The following WDR12 variants were observed in gnomAD, a reference collection of about 807,000 sequenced individuals.
WDR12 encodes the protein ribosome biogenesis protein WDR12.
WDR12 carries 42 observed loss-of-function variants against 64.3 expected under a neutral mutation model. The observed-to-expected ratio is 0.65, with a 90% CI of 0.51 to 0.84. The LOEUF (loss-of-function observed/expected upper bound fraction) is 0.84. Among genes scored for constraint, WDR12 ranks in the 40% least tolerant of loss-of-function variants. The probability of loss-of-function intolerance (pLI) is 0.00; values close to 1 mark genes in which losing one functional copy is unlikely to be tolerated. For synonymous variants in WDR12, 158 were observed against 173.3 expected (o/e 0.91, Z 0.70); for missense variants, 469 against 494.6 (o/e 0.95, Z 0.49).
chr2:202,901,244 T>A, intron 2 of WDR12, 125 bp from the exon 3 acceptor site: 1 of 515,664 alleles, frequency 1.9e-6, no homozygotes, highest in Non-Finnish European at 3.2e-6. Context: ...TCTCTGTGAT[T>A]TTTAAGATCA....
chr2:202,899,484 G>C, intron 4 of WDR12, 47 bp downstream of exon 4: 1 of 1,524,832 alleles, frequency 6.6e-7, no homozygotes, highest in East Asian at 2.3e-5. Flanking sequence ...GACTGAAGGA[G>C]GTAAAAACAA....
At chr2:202,892,311 C>T (rs1337269611) in intron 8 of WDR12, among the ~76,000 whole-genome samples, 1 of 152,092 alleles carries the variant, frequency 6.6e-6, no homozygotes, top group Non-Finnish European at 1.5e-5. Flanking sequence ...AGATGCTTCA[C>T]TTTAGTGTAA....
chr2:202,890,996 T>TAAAAAAAAAAAAA (rs71030997), intron 8 of WDR12, among the ~76,000 whole-genome samples: 3 of 111,172 alleles, frequency 2.7e-5, no homozygotes, highest in Non-Finnish European at 3.5e-5. Context: ...TTTGTCTCTT[T>TAAAAAAAAAAAAA]AAAAAAAAAA....
Position 202,911,463 on chromosome 2 carries a change from T to A in WDR12, c.14A>T (p.Gln5Leu), listed in dbSNP as rs1180575471. 1.9e-6 allele frequency: 3 copies of A among 1,614,008 alleles called. No individual in the cohort carries two copies. Among genetic ancestry groups the A allele is most frequent in the Non-Finnish European group, 2.5e-6 (3 of 1,180,020 alleles). Residue 5 changes from glutamine (Q) to leucine (L), a missense_variant, in exon 1 of 13, where the codon CAA (glutamine) becomes CTA (leucine). Gln to Leu is a moderately radical substitution (Grantham distance 113). Transcript: ENST00000261015. ...CTTGTTATCAGTGTAGAAGCGTGTT[T>A]GGAGCTGAGCCATGGCGAGGAGTAC... is the stretch of plus-strand genomic sequence containing the variant. MAQL[Q>L]TRFYTDNKKY...
chr2:202,883,529 A>T, intron 11 of WDR12, 80 bp downstream of exon 11: 1 of 1,441,938 alleles, frequency 6.9e-7, no homozygotes, highest in Non-Finnish European at 9.4e-7. Flanking sequence ...TTCTGGTTTT[A>T]GATAAGAATT....
At chr2:202,897,039 T>C (rs942986162) in intron 5 of WDR12, among the ~76,000 whole-genome samples, 4 of 151,684 alleles carry the variant, frequency 2.6e-5, no homozygotes, top group Admixed American at 2.6e-4. Context: ...CAGAAGAAAA[T>C]AAAAGATGAA....
rs1687887927 is a variant in WDR12 at position 202,877,724 on chromosome 2, T to C, written c.*3136A>G. On this transcript the variant is annotated 3_prime_UTR_variant, in exon 13 of 13. Coordinates refer to ENST00000261015, the MANE Select transcript of WDR12 (RefSeq NM_018256.4). ...AGCAAGTATCAACATTTTAAAGAAC[T>C]GCACTACTATGGCAAGACAGCATAA... 6.6e-6 allele frequency: 1 copy of C among 152,156 alleles called. No homozygotes were observed. Among genetic ancestry groups the C allele is most frequent in the Non-Finnish European group, 1.5e-5 (1 of 68,054 alleles). The allele number at this position is 152,156 out of a possible 1,614,324, so 9.4% of individuals were successfully genotyped here.
In WDR12 at chr2:202,888,502, T is replaced by G. The variant is rs372103549; in HGVS notation, c.742-3967A>C. On this transcript the variant is annotated intron_variant, in intron 8 of 12. Transcript: ENST00000261015. ...ATTGACATTGTCACTACAAACTAAG[T>G]GGAACAGAAGTACTGGAGGGAAAAA... Among the ~76,000 whole-genome samples the G allele has an allele frequency of 9.9e-5, 15 of 152,098 alleles. No individual in the cohort carries two copies. In the East Asian group the frequency reaches 2.5e-3, roughly 25 times the overall value.
Position 202,887,531 on chromosome 2 carries a change from C to G in WDR12, c.742-2996G>C, listed in dbSNP as rs759251878. Among the ~76,000 whole-genome samples, 187 of 152,164 alleles carry G rather than the reference C, an allele frequency of 1.2e-3. 1 individual carries two copies. Among genetic ancestry groups the G allele is most frequent in the Non-Finnish European group, 1.6e-3 (111 of 68,034 alleles). ...AGAGGAGTGAGAAACAGAACAATCT[C>G]TGATGTCATCTAAAACAAAATGAAA... On this transcript the variant is annotated intron_variant, in intron 8 of 12. Transcript: ENST00000261015.
At chr2:202,901,233 T>C in intron 2 of WDR12, 114 bp from the exon 3 acceptor site, 1 of 558,764 alleles carries the variant, frequency 1.8e-6, no homozygotes, top group South Asian at 5.6e-5. Context: ...TGGCCTGAGT[T>C]TCTCTGTGAT....
At chr2:202,892,775 C>T in intron 7 of WDR12, 73 bp from the exon 8 acceptor site, 10 of 1,087,354 alleles carry the variant, frequency 9.2e-6, no homozygotes, top group Non-Finnish European at 1.3e-5. Context: ...GAATTCTTTA[C>T]ATTTCCAGAT....
At chr2:202,900,462 C>G (rs932053415) in intron 3 of WDR12, among the ~76,000 whole-genome samples, 8 of 151,974 alleles carry the variant, frequency 5.3e-5, no homozygotes, top group African/African-American at 1.9e-4. Flanking sequence ...CATAATACTG[C>G]AAAGGCACTT....
chr2:202,910,429 G>A (rs1408221807), intron 1 of WDR12, among the ~76,000 whole-genome samples: 6 of 151,980 alleles, frequency 3.9e-5, no homozygotes, highest in African/African-American at 1.2e-4. Context: ...AGGCTGAGGC[G>A]GGAAGATTGT....
intron 2 of WDR12, among the ~76,000 whole-genome samples, chr2:202,904,723 T>C (rs145999158): frequency 1.4e-4 from 22 of 152,276 alleles, no homozygotes; most frequent in Admixed American, 6.5e-4. Context: ...ATGAAACTAA[T>C]ACAAGAAAAC....
At chr2:202,882,374 G>GC (rs1173827731) in intron 12 of WDR12, among the ~76,000 whole-genome samples, 1 of 151,856 alleles carries the variant, frequency 6.6e-6, no homozygotes, top group East Asian at 1.9e-4. Flanking sequence ...TATCTCCCAG[G>GC]CTGGAGTGCA....
chr2:202,893,563 C>G (rs902939538), intron 7 of WDR12, among the ~76,000 whole-genome samples: 1 of 152,134 alleles, frequency 6.6e-6, no homozygotes, highest in African/African-American at 2.4e-5. Context: ...CATAATTATT[C>G]AAAACTGGTT....
intron 2 of WDR12, among the ~76,000 whole-genome samples, chr2:202,905,607 G>A (rs1688442461): frequency 6.6e-6 from 1 of 152,172 alleles, no homozygotes; most frequent in South Asian, 2.1e-4. Context: ...ATATGATCCA[G>A]CAATAGCACT....
At chr2:202,888,443 A>G (rs1688090429) in intron 8 of WDR12, among the ~76,000 whole-genome samples, 1 of 152,206 alleles carries the variant, frequency 6.6e-6, no homozygotes, top group South Asian at 2.1e-4. Flanking sequence ...ATTTTCCTCT[A>G]ATAAAACTTT....
Position 202,907,975 on chromosome 2 carries a change from G to C in WDR12, c.42-16C>G. 6.3e-7 allele frequency: 1 copy of C among 1,597,524 alleles called. No individual in the cohort carries two copies. Among genetic ancestry groups the C allele is most frequent in the Non-Finnish European group, 8.6e-7 (1 of 1,165,208 alleles). ...TACGGCATATCTATAAAAAGGAAAT[G>C]ATATGTCAAGATCAAGTCTACAGAT... On this transcript the variant is annotated splice_polypyrimidine_tract_variant and intron_variant, in intron 1 of 12. Coordinates refer to ENST00000261015, the MANE Select transcript of WDR12 (RefSeq NM_018256.4).
Sources: allele counts gnomAD v4.1 joint callset (sites outside exome capture counted in the v4.1 genomes callset), GRCh38; gene constraint gnomAD v4.1.1; transcripts MANE v1.5; gene names NCBI Gene and HGNC (gene_info 2026-07-23, HGNC 2026-07-21).